Variants in LINGO2 observed in about 807,000 individuals in gnomAD.
LINGO2 encodes the protein leucine rich repeat and Ig domain containing 2.
In LINGO2, 14 loss-of-function variants were observed where a neutral mutation model predicts 30.6. The observed-to-expected ratio is 0.46, with a 90% confidence interval of 0.30 to 0.72. The LOEUF (loss-of-function observed/expected upper bound fraction) is 0.72, where lower values mean the gene tolerates loss of function less well. Ranked by LOEUF, LINGO2 falls within the 30% of genes least tolerant of loss-of-function variation. LINGO2 has a pLI of 0.07. For synonymous variants in LINGO2, 317 were observed against 288.5 expected, an observed-to-expected ratio of 1.10 and a Z score of -1.00; for missense variants, 729 against 751.7, an observed-to-expected ratio of 0.97 and a Z score of 0.35.
chr9:28,646,523 A>T (rs565796971), intron 1 of LINGO2, among the ~76,000 whole-genome samples: 2 of 152,258 alleles, frequency 1.3e-5, no homozygotes, highest in South Asian at 4.1e-4. Flanking sequence ...TGGTAAGAAC[A>T]GTCTCCAACT....
chr9:28,383,972 T>C (rs547286073), intron 2 of LINGO2, among the ~76,000 whole-genome samples: 1 of 152,144 alleles, frequency 6.6e-6, no homozygotes, highest in East Asian at 1.9e-4. Flanking sequence ...GTTATAAGGC[T>C]TGAGGGCAGG....
the LINGO2 span, among the ~76,000 whole-genome samples, chr9:29,046,910 C>A: frequency 3.9e-5 from 3 of 76,756 alleles, no homozygotes; most frequent in Non-Finnish European, 8.8e-5. Context: ...GAAACCCCAT[C>A]TCTACTAAAG....
chr9:28,227,082 C>T lies in LINGO2; in HGVS notation c.-87+68126G>A, dbSNP rs538964462. On this transcript the variant is annotated intron_variant, in intron 4 of 5. Transcript: ENST00000379992. Reference sequence around the variant, plus strand: ...TTAATGAAATAATCGATCTAAAGAGCTTGGCAAAGTGTCTGGCACATACTA... The same window carrying T: ...TTAATGAAATAATCGATCTAAAGAGTTTGGCAAAGTGTCTGGCACATACTA... 3.3e-5 allele frequency among the ~76,000 whole-genome samples: 5 copies of T among 152,162 alleles called. No homozygotes were observed. In the East Asian group the frequency reaches 9.6e-4, roughly 29 times the overall value.
the LINGO2 span, among the ~76,000 whole-genome samples, chr9:29,181,989 C>A: frequency 6.6e-6 from 1 of 152,112 alleles, no homozygotes; most frequent in Non-Finnish European, 1.5e-5. Flanking sequence ...AATAACACCC[C>A]CTGGAGCTGC....
At chr9:28,717,223 T>C in the LINGO2 span, among the ~76,000 whole-genome samples, 7 of 151,808 alleles carry the variant, frequency 4.6e-5, no homozygotes, top group Admixed American at 1.3e-4. Flanking sequence ...GTCATTCATA[T>C]TGGAGGAGTG....
intron 4 of LINGO2, among the ~76,000 whole-genome samples, chr9:28,039,652 G>A (rs1824108532): frequency 6.6e-6 from 1 of 151,934 alleles, no homozygotes; most frequent in African/African-American, 2.4e-5. Context: ...ACTGAGAAGG[G>A]AAGAAAATCT....
chr9:28,198,188 T>G (rs907554342), intron 4 of LINGO2, among the ~76,000 whole-genome samples: 1 of 151,806 alleles, frequency 6.6e-6, no homozygotes, highest in Non-Finnish European at 1.5e-5. Flanking sequence ...CATCAATAAG[T>G]TGACTCTAAG....
the LINGO2 span, among the ~76,000 whole-genome samples, chr9:28,748,630 T>C: frequency 6.6e-6 from 1 of 152,062 alleles, no homozygotes; most frequent in African/African-American, 2.4e-5. Flanking sequence ...TTCTGTTTTC[T>C]ATGAATAGTA....
rs532497656 is a variant in LINGO2 at position 28,055,311 on chromosome 9, TTTC to T, written c.-86-42909_-86-42907del. 4.5e-3 allele frequency among the ~76,000 whole-genome samples: 691 copies of T among 152,270 alleles called. 9 individuals carry two copies. The highest frequency in any genetic ancestry group is 0.015 in the African/African-American group (641 of 41,566). Reference sequence around the variant, plus strand: ...ACATGTGTTTTAAATGGCTTAGTAATTTCTTGATAGAACAGGTACAGGTGGATG... The same window carrying T: ...ACATGTGTTTTAAATGGCTTAGTAATTTGATAGAACAGGTACAGGTGGATG... On this transcript the variant is annotated intron_variant, in intron 4 of 5. Transcript: ENST00000379992.
the LINGO2 span, among the ~76,000 whole-genome samples, chr9:29,110,602 G>A: frequency 6.6e-6 from 1 of 152,048 alleles, no homozygotes; most frequent in African/African-American, 2.4e-5. Flanking sequence ...CCAAAGTGCT[G>A]GGATTACAGG....
the LINGO2 span, among the ~76,000 whole-genome samples, chr9:28,919,654 T>C: frequency 1.3e-5 from 2 of 152,120 alleles, no homozygotes; most frequent in Non-Finnish European, 2.9e-5. Flanking sequence ...TTTTATTCAG[T>C]AGTACACTGC....
the LINGO2 span, among the ~76,000 whole-genome samples, chr9:29,100,611 A>G: frequency 1.3e-5 from 2 of 151,998 alleles, no homozygotes; most frequent in African/African-American, 4.8e-5. Flanking sequence ...AAAAAGCTAC[A>G]AAAAATAGTT....
chr9:28,009,804 C>T (rs866916145), intron 5 of LINGO2, among the ~76,000 whole-genome samples: 5 of 152,144 alleles, frequency 3.3e-5, no homozygotes, highest in Admixed American at 6.5e-5. Flanking sequence ...AACAGTTTGG[C>T]AGTTTCTCAA....
At chr9:28,449,031 T>TTG (rs1824539664) in intron 2 of LINGO2, among the ~76,000 whole-genome samples, 1 of 79,442 alleles carries the variant, frequency 1.3e-5, no homozygotes, top group South Asian at 4.8e-4. Context: ...GTATTCACAT[T>TTG]CGTGTGTGTG....
chr9:28,230,140 A>C lies in LINGO2; in HGVS notation c.-87+65068T>G, dbSNP rs139791377. On this transcript the variant is annotated intron_variant, in intron 4 of 5. Coordinates refer to ENST00000379992, the Ensembl canonical transcript of LINGO2. ...AAAAACTTTCTTTGTAAGACAACAT[A>C]CTTTAGAAAATTTAGAAAAATTGTA... Among the ~76,000 whole-genome samples the C allele has an allele frequency of 9.9e-3, 1,499 of 152,024 alleles. 25 individuals carry two copies. The highest frequency in any genetic ancestry group is 0.034 in the African/African-American group (1,415 of 41,566).
intron 3 of LINGO2, among the ~76,000 whole-genome samples, chr9:28,356,464 C>G (rs962471337): frequency 6.6e-6 from 1 of 152,122 alleles, no homozygotes; most frequent in African/African-American, 2.4e-5. Context: ...CTTATTGTCA[C>G]TCTGTTGGTC....
chr9:28,899,214 G>A, the LINGO2 span, among the ~76,000 whole-genome samples: 1 of 152,206 alleles, frequency 6.6e-6, no homozygotes, highest in South Asian at 2.1e-4. Flanking sequence ...AACACAGTGT[G>A]AGAAGAGATA....
rs538774677 is a variant in LINGO2 at position 28,191,996 on chromosome 9, G to T, written c.-87+103212C>A. On this transcript the variant is annotated intron_variant, in intron 4 of 5. Transcript: ENST00000379992. ...CTCCCAGATGTTTATATCCGTCCTT[G>T]GCCTCTCCACTTGAAAGCCCGACTT... is the stretch of plus-strand genomic sequence containing the variant. Among the ~76,000 whole-genome samples the T allele has an allele frequency of 1.6e-4, 24 of 151,748 alleles. No homozygotes were observed. In the South Asian group the frequency reaches 3.3e-3, roughly 21 times the overall value.
the LINGO2 span, among the ~76,000 whole-genome samples, chr9:28,924,503 G>A: frequency 2.0e-5 from 3 of 152,172 alleles, no homozygotes; most frequent in Non-Finnish European, 4.4e-5. Context: ...TTACAAGCAT[G>A]AGCCACCATG....
Sources: gnomAD v4.1 joint callset for allele counts (sites outside exome capture counted in the v4.1 genomes callset) on GRCh38, gnomAD v4.1.1 for gene constraint, MANE v1.5 for transcripts, NCBI Gene and HGNC (gene_info 2026-07-23, HGNC 2026-07-21) for gene names.